The following MAD1L1 variants were observed in gnomAD, a reference collection of about 807,000 sequenced individuals.
MAD1L1 encodes mitotic spindle assembly checkpoint protein MAD1.
In MAD1L1, 95 loss-of-function variants were observed where a neutral mutation model predicts 96.9. The ratio of observed to expected loss-of-function variants is 0.98; its 90% CI spans 0.83 to 1.16. The LOEUF (loss-of-function observed/expected upper bound fraction) is 1.16. Among genes scored for constraint, MAD1L1 ranks in the 50% most tolerant of loss-of-function variants. MAD1L1 has a pLI of 0.00. For synonymous variants in MAD1L1, 473 were observed against 396.6 expected, an observed-to-expected ratio of 1.19 and a Z score of -2.29; for missense variants, 1,007 against 954.4, an observed-to-expected ratio of 1.06 and a Z score of -0.73.
intron 17 of MAD1L1, among the ~76,000 whole-genome samples, chr7:1,914,031 C>G (rs963618978): frequency 6.6e-6 from 1 of 151,958 alleles, no homozygotes; most frequent in South Asian, 2.1e-4. Context: ...CCCCCCCCAG[C>G]ACGCCTGTCC....
At chr7:2,219,669 AGGGGGGCAG>A (rs1793489634) in intron 5 of MAD1L1, among the ~76,000 whole-genome samples, 1 of 63,518 alleles carries the variant, frequency 1.6e-5, no homozygotes, top group African/African-American at 6.4e-5. Flanking sequence ...CAAGGGGGCA[AGGGGGGCAG>A]AGGGCAGGGG....
intron 11 of MAD1L1, among the ~76,000 whole-genome samples, chr7:2,123,342 C>A (rs1788070898): frequency 6.6e-6 from 1 of 151,634 alleles, no homozygotes. Context: ...GCTCAGCCAG[C>A]TCAGGGACTG....
At chr7:1,854,106 C>T (rs1318917887) in intron 18 of MAD1L1, among the ~76,000 whole-genome samples, 4 of 152,160 alleles carry the variant, frequency 2.6e-5, no homozygotes, top group Admixed American at 1.3e-4. Context: ...CCAGGCGTGG[C>T]GGAGGCCACA....
rs542349021 is a variant in MAD1L1, at chr7:1,820,909, A to G, written c.1999-4681T>C. Among the ~76,000 whole-genome samples, 649 of 151,988 alleles carry G rather than the reference A, an allele frequency of 4.3e-3. 5 individuals are homozygous for G. The highest frequency in any genetic ancestry group is 5.2e-3 in the Non-Finnish European group (351 of 67,916). On this transcript the variant is annotated intron_variant, in intron 18 of 18. Transcript: ENST00000265854. ...ATCCTGGCTAACACAGTGAAACCCC[A>G]TCTCTACTAAAAATACAAAAAATTA...
chr7:2,226,388 T>C (rs539982537), intron 3 of MAD1L1, among the ~76,000 whole-genome samples: 1 of 151,352 alleles, frequency 6.6e-6, no homozygotes, highest in African/African-American at 2.4e-5. Flanking sequence ...GAGCTGAGCC[T>C]CTGGGGGCCC....
At chr7:1,992,181 A>C (rs531400334) in intron 14 of MAD1L1, among the ~76,000 whole-genome samples, 1 of 147,418 alleles carries the variant, frequency 6.8e-6, no homozygotes, top group Admixed American at 6.7e-5. Context: ...CCTCATGAGC[A>C]CCGCTGGGTG....
rs62442479 is a variant in MAD1L1 at position 2,198,081 on chromosome 7, G to A, written c.986+15131C>T. On this transcript the variant is annotated intron_variant, in intron 10 of 18. Transcript: ENST00000265854. ...TCATCCCAAGGTCCACCATGAGTTTGGGTTTTTTTTTTTTTTTTTGGAGGA... is the reference window on the plus strand; with the variant it reads ...TCATCCCAAGGTCCACCATGAGTTTAGGTTTTTTTTTTTTTTTTTGGAGGA... Among the ~76,000 whole-genome samples the A allele has an allele frequency of 5.5e-3, 823 of 150,250 alleles. 24 individuals are homozygous for A. Among genetic ancestry groups the A allele is most frequent in the Admixed American group, 0.046 (692 of 15,030 alleles).
chr7:2,086,927 G>A (rs926762809), intron 11 of MAD1L1, among the ~76,000 whole-genome samples: 1 of 152,218 alleles, frequency 6.6e-6, no homozygotes, highest in Non-Finnish European at 1.5e-5. Context: ...GGGAGATGTG[G>A]CCAGGAATCC....
At chr7:1,970,290 A>G (rs1780345631) in intron 15 of MAD1L1, among the ~76,000 whole-genome samples, 1 of 151,544 alleles carries the variant, frequency 6.6e-6, no homozygotes, top group South Asian at 2.1e-4. Context: ...GCTGTATCCT[A>G]TAAGAAAAAA....
At chr7:1,988,663 G>A (rs1376852485) in intron 14 of MAD1L1, among the ~76,000 whole-genome samples, 2 of 152,216 alleles carry the variant, frequency 1.3e-5, no homozygotes, top group Non-Finnish European at 2.9e-5. Context: ...GGCGCACAGC[G>A]TGGCTGGGGA....
chr7:2,189,027 C>T (rs1791592085), intron 10 of MAD1L1, among the ~76,000 whole-genome samples: 1 of 152,146 alleles, frequency 6.6e-6, no homozygotes, highest in African/African-American at 2.4e-5. Flanking sequence ...CCTGCATAGA[C>T]ATTTTTCCAA....
chr7:1,902,787 TG>T (rs1412734164), intron 17 of MAD1L1, among the ~76,000 whole-genome samples: 2 of 152,146 alleles, frequency 1.3e-5, no homozygotes, highest in African/African-American at 4.8e-5. Context: ...AAGACGATCT[TG>T]CGGAACTCAT....
At chr7:1,859,918 C>A (rs1784446348) in intron 18 of MAD1L1, among the ~76,000 whole-genome samples, 1 of 132,802 alleles carries the variant, frequency 7.5e-6, no homozygotes. Flanking sequence ...GATGTGACAT[C>A]CTGCGGGGCG....
chr7:1,861,273 C>T (rs559714314), intron 18 of MAD1L1, among the ~76,000 whole-genome samples: 1 of 152,314 alleles, frequency 6.6e-6, no homozygotes, highest in South Asian at 2.1e-4. Context: ...GCTGGTCCCC[C>T]TCTAGGCAAG....
intron 11 of MAD1L1, among the ~76,000 whole-genome samples, chr7:2,132,434 G>A (rs992448188): frequency 2.2e-4 from 33 of 151,024 alleles, no homozygotes; most frequent in African/African-American, 5.3e-4. Flanking sequence ...GTGCGACCGC[G>A]CGTCCACCAT....
intron 18 of MAD1L1, chr7:1,847,542 T>G: frequency 2.1e-6 from 1 of 471,116 alleles, no homozygotes; most frequent in South Asian, 1.5e-5. Context: ...ACCAGACCAG[T>G]CCTGGCACTG....
chr7:2,186,497 T>C (rs78267239), intron 10 of MAD1L1, among the ~76,000 whole-genome samples: 103 of 152,386 alleles, frequency 6.8e-4, no homozygotes, highest in Middle Eastern at 3.4e-3. Flanking sequence ...TAAGGACTTA[T>C]AGCAAACTGC....
At chr7:1,935,406 G>A (rs1778538563) in intron 17 of MAD1L1, among the ~76,000 whole-genome samples, 1 of 152,164 alleles carries the variant, frequency 6.6e-6, no homozygotes, top group Admixed American at 6.5e-5. Context: ...CCCCCCTTCT[G>A]GCTTTTGTCC....
intron 18 of MAD1L1, among the ~76,000 whole-genome samples, chr7:1,855,214 C>T (rs1425995234): frequency 6.6e-6 from 1 of 152,212 alleles, no homozygotes; most frequent in Admixed American, 6.5e-5. Flanking sequence ...TTCCAGCTGG[C>T]GGTGTCTCTG....
Sources: gnomAD v4.1 joint callset for allele counts (sites outside exome capture counted in the v4.1 genomes callset) on GRCh38, gnomAD v4.1.1 for gene constraint, MANE v1.5 for transcripts, NCBI Gene and HGNC (gene_info 2026-07-23, HGNC 2026-07-21) for gene names.